The following GRM7 variants were observed in gnomAD, a reference collection of about 807,000 sequenced individuals.
The protein encoded by GRM7 is metabotropic glutamate receptor 7.
In GRM7, 35 loss-of-function variants were observed where a neutral mutation model predicts 84.5. The ratio of observed to expected loss-of-function variants is 0.41; its 90% CI spans 0.32 to 0.55. The LOEUF (loss-of-function observed/expected upper bound fraction) is 0.55. GRM7 is among the 20% of genes least tolerant of loss of function. The probability of loss-of-function intolerance (pLI) is 0.19; values close to 1 mark genes in which losing one functional copy is unlikely to be tolerated. For missense variants in GRM7, 1,003 were observed against 1,194.6 expected (o/e 0.84, Z 2.36); for synonymous variants, 487 against 455.1 (o/e 1.07, Z -0.89).
At chr3:7,237,422 T>C (rs557119586) in intron 2 of GRM7, among the ~76,000 whole-genome samples, 4 of 152,238 alleles carry the variant, frequency 2.6e-5, no homozygotes, top group African/African-American at 9.6e-5. Flanking sequence ...CCCTTTAAAA[T>C]CTGGGTATCC....
chr3:7,142,773 A>G (rs944886380), intron 1 of GRM7, among the ~76,000 whole-genome samples: 2 of 152,120 alleles, frequency 1.3e-5, no homozygotes, highest in African/African-American at 2.4e-5. Context: ...GTTTCTCTAC[A>G]TTTTTATAAA....
At chr3:7,339,060 T>C (rs992539142) in intron 4 of GRM7, among the ~76,000 whole-genome samples, 5 of 152,146 alleles carry the variant, frequency 3.3e-5, no homozygotes, top group African/African-American at 1.2e-4. Context: ...CAAAGTATTA[T>C]ATTTAGCAAT....
At chr3:7,129,840 A>C (rs554713789) in intron 1 of GRM7, among the ~76,000 whole-genome samples, 1 of 152,300 alleles carries the variant, frequency 6.6e-6, no homozygotes, top group Non-Finnish European at 1.5e-5. Context: ...AGCAATTGTT[A>C]TTTTTATTTT....
chr3:7,220,580 A>G (rs1464385676), intron 2 of GRM7, among the ~76,000 whole-genome samples: 1 of 152,212 alleles, frequency 6.6e-6, no homozygotes, highest in Non-Finnish European at 1.5e-5. Context: ...ACCTGGATGG[A>G]AATTGGATTA....
chr3:7,566,853 G>T (rs925784329), intron 7 of GRM7, among the ~76,000 whole-genome samples: 1 of 152,110 alleles, frequency 6.6e-6, no homozygotes, highest in African/African-American at 2.4e-5. Context: ...TTTTACTTAG[G>T]GGTATAGAAA....
intron 8 of GRM7, among the ~76,000 whole-genome samples, chr3:7,644,795 G>C (rs1459828641): frequency 6.6e-6 from 1 of 152,122 alleles, no homozygotes. Flanking sequence ...GTAATCTACA[G>C]TCTTAGGGGC....
At chr3:7,251,417 C>CT (rs534016315) in intron 2 of GRM7, among the ~76,000 whole-genome samples, 2 of 151,730 alleles carry the variant, frequency 1.3e-5, no homozygotes, top group Non-Finnish European at 2.9e-5. Flanking sequence ...GGTACTGTTA[C>CT]TTTTTTTTCA....
intron 1 of GRM7, among the ~76,000 whole-genome samples, chr3:6,983,259 G>A (rs935169745): frequency 2.6e-5 from 4 of 152,138 alleles, no homozygotes; most frequent in East Asian, 1.9e-4. Context: ...TGCCAAGTTC[G>A]TTAATGCAGG....
At chr3:7,200,074 T>C (rs1017678163) in intron 2 of GRM7, among the ~76,000 whole-genome samples, 2 of 152,232 alleles carry the variant, frequency 1.3e-5, no homozygotes, top group African/African-American at 4.8e-5. Flanking sequence ...AATGGGCATA[T>C]GCCAGGGGAT....
intron 2 of GRM7, among the ~76,000 whole-genome samples, chr3:7,240,220 AAC>A (rs1310332822): frequency 1.5e-5 from 2 of 132,864 alleles, no homozygotes; most frequent in African/African-American, 2.7e-5. Flanking sequence ...GTGGGGCTGA[AAC>A]ACACAGTGCA....
At chr3:7,527,930 T>C (rs1346302558) in intron 7 of GRM7, among the ~76,000 whole-genome samples, 4 of 151,384 alleles carry the variant, frequency 2.6e-5, no homozygotes, top group Non-Finnish European at 4.4e-5. Flanking sequence ...ATTTTGCTGG[T>C]ATTTTGTTGA....
At chr3:7,045,002 A>G (rs1047877096) in intron 1 of GRM7, among the ~76,000 whole-genome samples, 2 of 152,170 alleles carry the variant, frequency 1.3e-5, no homozygotes, top group African/African-American at 4.8e-5. Flanking sequence ...CTGTTGAATG[A>G]TTGGCACAGA....
At chr3:7,088,422 G>T (rs982162637) in intron 1 of GRM7, among the ~76,000 whole-genome samples, 22 of 152,164 alleles carry the variant, frequency 1.4e-4, no homozygotes, top group African/African-American at 5.3e-4. Context: ...AATTTGGGTT[G>T]TAAGTGGAAT....
chr3:6,937,995 G>C (rs1366159083), intron 1 of GRM7, among the ~76,000 whole-genome samples: 1 of 152,132 alleles, frequency 6.6e-6, no homozygotes, highest in Non-Finnish European at 1.5e-5. Context: ...TGCTGAGTGG[G>C]GAAAAGTTAA....
At position 6,925,112 on chromosome 3, in the gene GRM7, TA is replaced by T. The variant is rs1171953367; in HGVS notation, c.519+63206del. Among the ~76,000 whole-genome samples, 7 of 152,300 alleles carry T rather than the reference TA, an allele frequency of 4.6e-5. No homozygotes were observed. In the East Asian group the frequency reaches 1.3e-3, roughly 29 times the overall value. ...AAGAGAAAAGCAAAAGTAATCCATC[TA>T]GAGAAGACTTACTTTTGGGCAATCC... On this transcript the variant is annotated intron_variant, in intron 1 of 9. Transcript: ENST00000357716.
chr3:6,880,714 G>A (rs990365912), intron 1 of GRM7, among the ~76,000 whole-genome samples: 5 of 151,688 alleles, frequency 3.3e-5, no homozygotes, highest in Admixed American at 6.6e-5. Context: ...TCTCTCACTC[G>A]TCTTTGTCAA....
At chr3:7,392,321 C>G (rs1337111616) in intron 4 of GRM7, among the ~76,000 whole-genome samples, 2 of 152,230 alleles carry the variant, frequency 1.3e-5, no homozygotes, top group African/African-American at 4.8e-5. Flanking sequence ...CACTCTAGTC[C>G]TGAGACAGGG....
At chr3:6,922,109 T>C (rs571818086) in intron 1 of GRM7, among the ~76,000 whole-genome samples, 4 of 152,190 alleles carry the variant, frequency 2.6e-5, no homozygotes, top group Non-Finnish European at 5.9e-5. Context: ...TCTGACATGC[T>C]TGATTCCTTT....
intron 1 of GRM7, among the ~76,000 whole-genome samples, chr3:7,095,918 A>G (rs891238477): frequency 1.3e-5 from 2 of 152,156 alleles, no homozygotes; most frequent in Non-Finnish European, 2.9e-5. Context: ...CCTTACACAC[A>G]TACATATATA....
Sources: allele counts gnomAD v4.1 joint callset (sites outside exome capture counted in the v4.1 genomes callset), GRCh38; gene constraint gnomAD v4.1.1; transcripts MANE v1.5; gene names NCBI Gene and HGNC (gene_info 2026-07-23, HGNC 2026-07-21).